Variants in MC2R observed in about 807,000 individuals in gnomAD.
MC2R encodes the protein melanocortin 2 receptor, also known as adrenocorticotropic hormone receptor.
A neutral mutation model predicts 9.8 loss-of-function variants in MC2R; 9 were observed. That is an observed-to-expected ratio of 0.92 (90% CI 0.55 to 1.60). The LOEUF (loss-of-function observed/expected upper bound fraction) is 1.60, where lower values mean the gene tolerates loss of function less well. Ranked by LOEUF, MC2R falls within the 40% of genes most tolerant of loss-of-function variation. The probability of loss-of-function intolerance (pLI) is 0.00; values close to 1 mark genes in which losing one functional copy is unlikely to be tolerated. For missense variants in MC2R, 370 were observed against 389.0 expected, an observed-to-expected ratio of 0.95 and a Z score of 0.41; for synonymous variants, 185 against 154.7, an observed-to-expected ratio of 1.20 and a Z score of -1.45.
chr18:13,893,531 T>C (rs1184454718), intron 1 of MC2R, among the ~76,000 whole-genome samples: 2 of 152,196 alleles, frequency 1.3e-5, no homozygotes, highest in Non-Finnish European at 2.9e-5. Context: ...TATTTTTTGC[T>C]TGTCTTACCC....
At chr18:13,906,495 C>T (rs530717746) in intron 1 of MC2R, among the ~76,000 whole-genome samples, 19 of 152,064 alleles carry the variant, frequency 1.2e-4, no homozygotes, top group Admixed American at 3.9e-4. Context: ...CACCATGGTA[C>T]ATGTATACCT....
intron 1 of MC2R, among the ~76,000 whole-genome samples, chr18:13,896,466 T>G (rs532501512): frequency 9.2e-5 from 14 of 152,278 alleles, no homozygotes; most frequent in African/African-American, 2.9e-4. Context: ...ATAGTTTTCT[T>G]TTAAGATTGG....
chr18:13,907,614 A>T (rs1336102229), intron 1 of MC2R, among the ~76,000 whole-genome samples: 2 of 152,210 alleles, frequency 1.3e-5, no homozygotes, highest in African/African-American at 4.8e-5. Context: ...AATATTTGCA[A>T]ACTCTCCATC....
Position 13,885,007 on chromosome 18 carries a change from T to C in MC2R, c.512A>G (p.His171Arg). The C allele has an allele frequency of 6.2e-7, 1 of 1,614,054 alleles. No individual in the cohort carries two copies. The highest frequency in any genetic ancestry group is 1.1e-5 in the South Asian group (1 of 91,076). ...CGTGAAGGTGATCACTGTGGGCACATGATGGGAGAAGATCACCATGGTGAT... is the reference window on the plus strand; with the variant it reads ...CGTGAAGGTGATCACTGTGGGCACACGATGGGAGAAGATCACCATGGTGAT... ...TGITMVIFSH[H>R]VPTVITFTSL... The change falls in exon 2 of 2, where the codon CAT becomes CGT. Residue 171 changes from histidine to arginine, a missense_variant. By Grantham distance (29) the His-to-Arg change is conservative (BLOSUM62 0). Transcript: ENST00000327606.
At chr18:13,900,781 C>T (rs1485053687) in intron 1 of MC2R, among the ~76,000 whole-genome samples, 1 of 152,008 alleles carries the variant, frequency 6.6e-6, no homozygotes, top group African/African-American at 2.4e-5. Context: ...GAGAGACAGG[C>T]CCCAATACAA....
chr18:13,885,172 C>G lies in MC2R; in HGVS notation c.347G>C (p.Gly116Ala). 6.2e-7 allele frequency: 1 copy of G among 1,614,080 alleles called. No homozygotes were observed. Among genetic ancestry groups the G allele is most frequent in the Non-Finnish European group, 8.5e-7 (1 of 1,180,008 alleles). The change falls in exon 2 of 2, where the codon GGC (glycine) becomes GCC (alanine). Residue 116 changes from glycine to alanine, a missense_variant. Transcript: ENST00000327606. ...IDSLFVLSLL[G>A]SIFSLSVIAA... ...AATCACAGACAGGCTGAAGATGGAG[C>G]CAAGCAGGGAGAGGACAAACAGGGA...
At chr18:13,912,944 C>T (rs748688604) in intron 1 of MC2R, among the ~76,000 whole-genome samples, 10 of 151,532 alleles carry the variant, frequency 6.6e-5, no homozygotes, top group Admixed American at 2.0e-4. Context: ...TTCCCCATGC[C>T]GGGCACAGGC....
In MC2R at chr18:13,882,198, A is replaced by G. The variant is rs2045235792; in HGVS notation, c.*2427T>C. 1.3e-5 allele frequency: 2 copies of G among 148,310 alleles called. No homozygotes were observed. Among genetic ancestry groups the G allele is most frequent in the Non-Finnish European group, 2.9e-5 (2 of 68,006 alleles). 9.2% of individuals were successfully genotyped at this position (148,310 alleles called of 1,614,324 possible). On this transcript the variant is annotated 3_prime_UTR_variant, in exon 2 of 2. Transcript: ENST00000327606. ...CAGTTTAAAAATTGGGTAATTTGAT[A>G]AAAGAATTAAGTCCTCATGGGAAAA...
intron 1 of MC2R, among the ~76,000 whole-genome samples, chr18:13,896,036 G>A (rs1014653606): frequency 5.3e-5 from 8 of 152,160 alleles, no homozygotes; most frequent in Admixed American, 2.0e-4. Flanking sequence ...CGAATATTAA[G>A]AGATATGACT....
chr18:13,885,387 G>C lies in MC2R; in HGVS notation c.132C>G (p.Ile44Met), dbSNP rs369691563. Residue 44 changes from isoleucine to methionine, a missense_variant, in exon 2 of 2, where the codon ATC becomes ATG. Transcript: ENST00000327606. ...ISIVGVLENL[I>M]VLLAVFKNKN... ...TATTCTTGAACACAGCCAGCAGGACGATCAGATTCTCCAAAACTCCAACAA... is the reference window on the plus strand; with the variant it reads ...TATTCTTGAACACAGCCAGCAGGACCATCAGATTCTCCAAAACTCCAACAA... 4.3e-6 allele frequency: 7 copies of C among 1,614,082 alleles called. No homozygotes were observed. The highest frequency in any genetic ancestry group is 8.5e-7 in the Non-Finnish European group (1 of 1,179,988).
At position 13,884,775 on chromosome 18, in the gene MC2R, G is replaced by T. The variant is rs777730892; in HGVS notation, c.744C>A (p.Asn248Lys). The T allele has an allele frequency of 1.1e-5, 17 of 1,613,870 alleles. No homozygotes were observed. The Admixed American group carries it at 2.7e-4, about 25-fold the overall frequency. ...HVLLMTFCPS[N>K]PYCACYMSLF... Reference sequence around the variant, plus strand: ...GAGACATGTAGCAGGCGCAGTAGGGGTTACTTGGGCAGAATGTCATCAAGA... The same window carrying T: ...GAGACATGTAGCAGGCGCAGTAGGGTTTACTTGGGCAGAATGTCATCAAGA... The change falls in exon 2 of 2, where the codon AAC becomes AAA. Residue 248 changes from asparagine to lysine, a missense_variant. By Grantham distance (94) the Asn-to-Lys change is moderately conservative. Coordinates refer to ENST00000327606, the MANE Select transcript of MC2R (RefSeq NM_000529.2).
intron 1 of MC2R, among the ~76,000 whole-genome samples, chr18:13,892,540 T>C (rs1440128539): frequency 6.6e-6 from 1 of 152,156 alleles, no homozygotes; most frequent in Non-Finnish European, 1.5e-5. Context: ...GTGCCTTCCT[T>C]TTCTGCCAGG....
chr18:13,908,165 T>C (rs749257275), intron 1 of MC2R, among the ~76,000 whole-genome samples: 10 of 152,200 alleles, frequency 6.6e-5, no homozygotes, highest in African/African-American at 2.4e-4. Flanking sequence ...TAAAATGTGG[T>C]ATATAAACAT....
At chr18:13,894,836 T>A (rs576802744) in intron 1 of MC2R, among the ~76,000 whole-genome samples, 68 of 152,350 alleles carry the variant, frequency 4.5e-4, no homozygotes, top group African/African-American at 1.6e-3. Flanking sequence ...CTAAATCATA[T>A]ATTTGTTTAA....
At chr18:13,893,808 G>T (rs534307987) in intron 1 of MC2R, among the ~76,000 whole-genome samples, 3 of 152,216 alleles carry the variant, frequency 2.0e-5, no homozygotes, top group African/African-American at 4.8e-5. Context: ...AATCACTGAC[G>T]TGGAGAGGCT....
chr18:13,898,696 G>C (rs1325124028), intron 1 of MC2R, among the ~76,000 whole-genome samples: 1 of 152,230 alleles, frequency 6.6e-6, no homozygotes, highest in African/African-American at 2.4e-5. Flanking sequence ...GTATGTTTGG[G>C]AGAAAGTAAG....
At chr18:13,901,071 A>C (rs1474663777) in intron 1 of MC2R, among the ~76,000 whole-genome samples, 1 of 152,216 alleles carries the variant, frequency 6.6e-6, no homozygotes, top group East Asian at 1.9e-4. Flanking sequence ...AATGGAATAA[A>C]ACTAGAAGTT....
chr18:13,897,523 A>T (rs2045353571), intron 1 of MC2R, among the ~76,000 whole-genome samples: 1 of 152,126 alleles, frequency 6.6e-6, no homozygotes, highest in Non-Finnish European at 1.5e-5. Flanking sequence ...ACCTACTGAG[A>T]TACCAGCTGG....
intron 1 of MC2R, among the ~76,000 whole-genome samples, chr18:13,910,147 A>G (rs114024969): frequency 0.012 from 1,891 of 152,322 alleles, 26 homozygotes; most frequent in African/African-American, 0.043. Flanking sequence ...TGAACGTCCA[A>G]TTGTTCCAGC....
Sources: allele counts gnomAD v4.1 joint callset (sites outside exome capture counted in the v4.1 genomes callset), GRCh38; gene constraint gnomAD v4.1.1; transcripts MANE v1.5; gene names NCBI Gene and HGNC (gene_info 2026-07-23, HGNC 2026-07-21).